The following KLF12 variants were observed in gnomAD, a reference collection of about 807,000 sequenced individuals.
The protein encoded by KLF12 is Krueppel-like factor 12.
KLF12 carries 9 observed loss-of-function variants against 37.8 expected under a neutral mutation model. The observed-to-expected ratio is 0.24, with a 90% confidence interval of 0.14 to 0.42. The LOEUF (loss-of-function observed/expected upper bound fraction) is 0.42. Ranked by LOEUF, KLF12 falls within the 10% of genes least tolerant of loss-of-function variation. The pLI is 1.00. For missense variants in KLF12, 411 were observed against 516.0 expected (o/e 0.80, Z 1.97); for synonymous variants, 208 against 202.1 (o/e 1.03, Z -0.25).
chr13:73,874,103 T>A (rs1458872024), intron 3 of KLF12, among the ~76,000 whole-genome samples: 2 of 152,228 alleles, frequency 1.3e-5, no homozygotes, highest in Non-Finnish European at 2.9e-5. Context: ...TTCGGAGCTG[T>A]GGACTACTTA....
intron 3 of KLF12, among the ~76,000 whole-genome samples, chr13:73,866,540 A>C (rs1030627455): frequency 3.9e-5 from 6 of 152,304 alleles, no homozygotes; most frequent in African/African-American, 4.8e-5. Context: ...AAATGACAGA[A>C]CCAGAAGACA....
chr13:74,174,050 G>A, the KLF12 span, among the ~76,000 whole-genome samples: 3 of 152,110 alleles, frequency 2.0e-5, no homozygotes, highest in African/African-American at 2.4e-5. Flanking sequence ...GAGAATTCCT[G>A]ACTCCATTCC....
At chr13:73,838,112 C>T (rs981770936) in intron 4 of KLF12, among the ~76,000 whole-genome samples, 1 of 151,926 alleles carries the variant, frequency 6.6e-6, no homozygotes, top group Non-Finnish European at 1.5e-5. Flanking sequence ...TGGGAAGTTC[C>T]ATGGGAATAA....
intron 1 of KLF12, among the ~76,000 whole-genome samples, chr13:74,031,709 T>G (rs921277011): frequency 6.6e-6 from 1 of 152,178 alleles, no homozygotes; most frequent in Non-Finnish European, 1.5e-5. Flanking sequence ...ATATTCCATG[T>G]TGCATAGATT....
intron 1 of KLF12, among the ~76,000 whole-genome samples, chr13:74,100,525 A>G (rs1365446687): frequency 6.6e-6 from 1 of 152,090 alleles, no homozygotes; most frequent in Non-Finnish European, 1.5e-5. Flanking sequence ...GGCTGAGACA[A>G]GAGAATCAGT....
chr13:74,193,413 A>G, the KLF12 span, among the ~76,000 whole-genome samples: 1 of 152,230 alleles, frequency 6.6e-6, no homozygotes, highest in African/African-American at 2.4e-5. Context: ...ATGAGAACCA[A>G]TGAGTTCCAG....
At chr13:74,128,149 T>C (rs1445316060) in intron 1 of KLF12, among the ~76,000 whole-genome samples, 1 of 152,222 alleles carries the variant, frequency 6.6e-6, no homozygotes, top group African/African-American at 2.4e-5. Flanking sequence ...ATATAAATGT[T>C]AATAATCAGT....
intron 1 of KLF12, among the ~76,000 whole-genome samples, chr13:74,107,197 A>G (rs1185177327): frequency 2.0e-5 from 3 of 152,222 alleles, no homozygotes; most frequent in Non-Finnish European, 2.9e-5. Context: ...ATAAGCTCCC[A>G]AATGCCCCAC....
chr13:74,021,133 A>G (rs1886521), intron 1 of KLF12, among the ~76,000 whole-genome samples: 148,709 of 152,208 alleles, frequency 0.98, 72,745 homozygotes, highest in East Asian at 1. Context: ...AGGAGACGTC[A>G]AAAGAAAAGA....
chr13:74,149,469 T>C, the KLF12 span, among the ~76,000 whole-genome samples: 1 of 152,336 alleles, frequency 6.6e-6, no homozygotes, highest in African/African-American at 2.4e-5. Flanking sequence ...AGCTCACGTA[T>C]GTCAGCAAGC....
chr13:74,021,224 A>G (rs1457750877), intron 1 of KLF12, among the ~76,000 whole-genome samples: 1 of 152,224 alleles, frequency 6.6e-6, no homozygotes, highest in Non-Finnish European at 1.5e-5. Flanking sequence ...ATAAGTTCAT[A>G]AAATTGCTAC....
chr13:73,866,234 G>A (rs1455749774), intron 3 of KLF12, among the ~76,000 whole-genome samples: 6 of 152,134 alleles, frequency 3.9e-5, no homozygotes, highest in South Asian at 2.1e-4. Flanking sequence ...CAGCCTGGGC[G>A]ACAGAGCAAG....
rs1327097834 is a variant in KLF12 at position 74,002,511 on chromosome 13, G to A, written c.-31-7458C>T. Among the ~76,000 whole-genome samples, 4 of 152,128 alleles carry A rather than the reference G, an allele frequency of 2.6e-5. No homozygotes were observed. The East Asian group carries it at 7.7e-4, about 29-fold the overall frequency. ...CTGCCTCAGCCTCTTGAGTAGCTGG[G>A]ACTACAGGCTAGCGCCACCACATTC... On this transcript the variant is annotated intron_variant, in intron 1 of 7. Transcript: ENST00000377669.
chr13:74,196,863 T>TA, the KLF12 span, among the ~76,000 whole-genome samples: 1,095 of 152,264 alleles, frequency 7.2e-3, 12 homozygotes, highest in African/African-American at 0.022. Flanking sequence ...GTTTAGAATT[T>TA]AAAAAAAATT....
At chr13:73,753,361 C>G (rs1467796018) in intron 6 of KLF12, among the ~76,000 whole-genome samples, 1 of 152,154 alleles carries the variant, frequency 6.6e-6, no homozygotes, top group Non-Finnish European at 1.5e-5. Context: ...CATTCAGCTC[C>G]CAGATGCCAA....
intron 5 of KLF12, among the ~76,000 whole-genome samples, chr13:73,808,033 T>C (rs903011275): frequency 6.6e-6 from 1 of 152,206 alleles, no homozygotes; most frequent in African/African-American, 2.4e-5. Context: ...AAACTTCACC[T>C]ATTGAAAAGA....
the KLF12 span, chr13:74,256,981 A>T: frequency 6.6e-6 from 1 of 152,128 alleles, no homozygotes; most frequent in South Asian, 2.1e-4. Flanking sequence ...CCCATGAGGC[A>T]TCCAAAACAG....
At chr13:74,276,372 C>T in the KLF12 span, among the ~76,000 whole-genome samples, 2 of 152,124 alleles carry the variant, frequency 1.3e-5, no homozygotes, top group African/African-American at 4.8e-5. Context: ...CTTGGCCTCC[C>T]AAAGTCATAT....
At chr13:73,862,149 A>G (rs1259216822) in intron 3 of KLF12, among the ~76,000 whole-genome samples, 5 of 151,836 alleles carry the variant, frequency 3.3e-5, no homozygotes, top group African/African-American at 1.2e-4. Flanking sequence ...TTCACTAAGC[A>G]TCTGTCTTTC....
Sources: gnomAD v4.1 joint callset for allele counts (sites outside exome capture counted in the v4.1 genomes callset) on GRCh38, gnomAD v4.1.1 for gene constraint, MANE v1.5 for transcripts, NCBI Gene and HGNC (gene_info 2026-07-23, HGNC 2026-07-21) for gene names.